The following FAT2 variants were observed in gnomAD, a reference collection of about 807,000 sequenced individuals.
FAT2 encodes the protein protocadherin Fat 2.
In FAT2, 150 loss-of-function variants were observed where a neutral mutation model predicts 295.3. The ratio of observed to expected loss-of-function variants is 0.51; its 90% CI spans 0.44 to 0.58. The LOEUF (loss-of-function observed/expected upper bound fraction) is 0.58. Among genes scored for constraint, FAT2 ranks in the 20% least tolerant of loss-of-function variants. The pLI, the probability that FAT2 is intolerant of heterozygous loss-of-function variation, is 0.00. For synonymous variants in FAT2, 2,026 were observed against 2,150.3 expected, an observed-to-expected ratio of 0.94 and a Z score of 1.60; for missense variants, 4,868 against 5,442.7, an observed-to-expected ratio of 0.89 and a Z score of 3.32.
At chr5:151,519,606 G>T (rs1324327837) in intron 19 of FAT2, among the ~76,000 whole-genome samples, 1 of 152,162 alleles carries the variant, frequency 6.6e-6, no homozygotes, top group East Asian at 1.9e-4. Context: ...TGGAAGGGGG[G>T]CCCAAGGGAG....
At chr5:151,526,955 T>C (rs975730557) in intron 17 of FAT2, among the ~76,000 whole-genome samples, 20 of 152,218 alleles carry the variant, frequency 1.3e-4, no homozygotes, top group African/African-American at 4.6e-4. Context: ...GTATGGCATG[T>C]TTTCATACCT....
chr5:151,537,345 AAAG>A (rs753343444), intron 12 of FAT2, among the ~76,000 whole-genome samples: 2 of 88,456 alleles, frequency 2.3e-5, no homozygotes, highest in South Asian at 1.0e-3. Flanking sequence ...AAAGAAAAGA[AAAG>A]AAAAAAGAAG....
intron 2 of FAT2, 26 bp downstream of exon 2, chr5:151,565,647 A>ACGGGC: frequency 6.2e-6 from 9 of 1,461,026 alleles, no homozygotes; most frequent in South Asian, 1.3e-5. Flanking sequence ...TGGCCCTGGC[A>ACGGGC]CCCCACCCTA....
chr5:151,506,866 A>G (rs1239710577), intron 23 of FAT2, among the ~76,000 whole-genome samples: 1 of 151,830 alleles, frequency 6.6e-6, no homozygotes, highest in African/African-American at 2.4e-5. Flanking sequence ...CCCCCTTCTC[A>G]CTCCAAGGGT....
intron 1 of FAT2, among the ~76,000 whole-genome samples, chr5:151,571,814 A>G (rs1419937897): frequency 1.3e-5 from 2 of 152,204 alleles, no homozygotes; most frequent in Non-Finnish European, 2.9e-5. Flanking sequence ...AACGTACATC[A>G]ATTCATATGA....
In FAT2 at chr5:151,521,702, T is replaced by G; in HGVS notation, c.10891A>C (p.Met3631Leu). 1 of 1,613,956 alleles carries G rather than the reference T, an allele frequency of 6.2e-7. No homozygotes were observed. The change falls in exon 19 of 24, where the codon ATG becomes CTG. Residue 3631 changes from methionine (M) to leucine (L), a missense_variant. Physicochemically the swap from Met to Leu is conservative, Grantham distance 15. Around this residue, in one of 5 missense-constraint regions of FAT2, gnomAD observed 1,046 missense variants for 1,210.1 expected, o/e 0.86. Transcript: ENST00000261800. Reference protein sequence around the residue: ...HVGQEALQQAMWMGFYQLTPE... With the variant: ...HVGQEALQQALWMGFYQLTPE... ...GTGAGCTGGTAGAAGCCCATCCACA[T>G]GGCCTGCTGCAGAGCCTCCTGCCCC...
At chr5:151,534,288 C>G (rs1754991810) in intron 13 of FAT2, 121 bp downstream of exon 13, 1 of 669,116 alleles carries the variant, frequency 1.5e-6, no homozygotes, top group Non-Finnish European at 2.5e-6. Context: ...TTTAAGTGTC[C>G]CCAGACTCAA....
At chr5:151,561,824 A>G (rs578172083) in intron 3 of FAT2, among the ~76,000 whole-genome samples, 5 of 152,256 alleles carry the variant, frequency 3.3e-5, no homozygotes, top group Non-Finnish European at 7.3e-5. Flanking sequence ...GAAAGTGTTC[A>G]TGCTTATAAA....
At position 151,526,038 on chromosome 5, in the gene FAT2, A is replaced by G. The variant is rs562374093; in HGVS notation, c.10309-73T>C. The G allele has an allele frequency of 7.8e-5, 113 of 1,448,276 alleles. No homozygotes were observed. The African/African-American group carries it at 1.3e-3, about 17-fold the overall frequency. 89.7% of individuals were successfully genotyped at this position (1,448,276 alleles called of 1,614,324 possible). ...TCCTTCCTTTCGCACGTGTCTGGGT[A>G]TGTCATCTGGAATGAGTCCTCAGCA... On this transcript the variant is annotated intron_variant, in intron 17 of 23. Coordinates refer to ENST00000261800, the MANE Select transcript of FAT2 (RefSeq NM_001447.3).
At chr5:151,516,861 T>C (rs1452472187) in intron 20 of FAT2, among the ~76,000 whole-genome samples, 2 of 152,166 alleles carry the variant, frequency 1.3e-5, no homozygotes, top group Non-Finnish European at 2.9e-5. Context: ...ATCCTAGCAC[T>C]TTGGGATGCC....
chr5:151,543,319 G>T lies in FAT2; in HGVS notation c.7808C>A (p.Pro2603Gln). 1 of 1,614,134 alleles carries T rather than the reference G, an allele frequency of 6.2e-7. No individual in the cohort carries two copies. The highest frequency in any genetic ancestry group is 1.1e-5 in the South Asian group (1 of 91,084). ...SIQSNVSKDS[P>Q]VIQVLAYDAD... is the part of the protein sequence containing the mutation. Reference sequence around the variant, plus strand: ...ATCATAGGCCAACACCTGGATAACCGGAGAGTCTTTACTGACATTGGATTG... The same window carrying T: ...ATCATAGGCCAACACCTGGATAACCTGAGAGTCTTTACTGACATTGGATTG... The change falls in exon 10 of 24, where the codon CCG (proline) becomes CAG (glutamine). Residue 2603 changes from proline to glutamine, a missense_variant. By Grantham distance (76) the Pro-to-Gln change is moderately conservative (BLOSUM62 -1). This residue lies in a region of FAT2 where 3,297 missense variants were observed against 3,669.4 expected (regional missense o/e 0.90). Transcript: ENST00000261800.
At chr5:151,589,813 A>C (rs992702776) in intron 1 of FAT2, among the ~76,000 whole-genome samples, 1 of 152,058 alleles carries the variant, frequency 6.6e-6, no homozygotes, top group Admixed American at 6.6e-5. Context: ...ATGTGGGAGG[A>C]TTGCTTGGGC....
intron 18 of FAT2, among the ~76,000 whole-genome samples, chr5:151,522,779 T>C (rs1199232722): frequency 1.3e-5 from 2 of 152,054 alleles, no homozygotes; most frequent in East Asian, 3.9e-4. Flanking sequence ...GGGGTAGGAA[T>C]GAAGGCGGTG....
intron 3 of FAT2, among the ~76,000 whole-genome samples, chr5:151,562,753 T>A (rs1012171575): frequency 6.6e-6 from 1 of 152,240 alleles, no homozygotes; most frequent in Non-Finnish European, 1.5e-5. Flanking sequence ...CTAAGAGCAA[T>A]GTCTGACTCA....
chr5:151,504,774 T>C lies in FAT2; in HGVS notation c.*791A>G, dbSNP rs1760715338. 1 of 152,568 alleles carries C rather than the reference T, an allele frequency of 6.6e-6. No homozygotes were observed. The highest frequency in any genetic ancestry group is 1.5e-5 in the Non-Finnish European group (1 of 68,028). The allele number at this position is 152,568 out of a possible 1,614,324, so 9.5% of individuals were successfully genotyped here. A position where few individuals can be genotyped will look rare whatever the true frequency, so the allele number is the denominator to read the frequency against. ...ATGAAGAACCCAGAGTTCCATGAGG[T>C]CTGAATTCTTTAACAAAGAAGGTTC... On this transcript the variant is annotated 3_prime_UTR_variant, in exon 24 of 24. Coordinates refer to ENST00000261800, the MANE Select transcript of FAT2 (RefSeq NM_001447.3).
intron 1 of FAT2, among the ~76,000 whole-genome samples, chr5:151,573,043 C>T (rs143566050): frequency 3.3e-5 from 5 of 152,306 alleles, no homozygotes; most frequent in Non-Finnish European, 4.4e-5. Flanking sequence ...CTGTGTCTAC[C>T]TGGCCATGAA....
chr5:151,550,662 G>A lies in FAT2; in HGVS notation c.4506C>T (p.Ser1502=), dbSNP rs766546178. ...TTCCCACCGTTACCAGGACACCACT[G>A]CTTGGGTCCAGCTGGAAGAGGCTGG... The part of the protein sequence containing the change: ...GSASLFQLDP[S]SGVLVTVGKL... Residue 1502 remains serine (S), a synonymous_variant, in exon 8 of 24, where the codon AGC becomes AGT. Transcript: ENST00000261800. 34 of 1,614,200 alleles carry A rather than the reference G, an allele frequency of 2.1e-5. No individual in the cohort carries two copies. Among genetic ancestry groups the A allele is most frequent in the Non-Finnish European group, 2.5e-5 (29 of 1,180,038 alleles).
chr5:151,567,622 G>T lies in FAT2; in HGVS notation c.1310C>A (p.Pro437Gln). Residue 437 changes from proline (P) to glutamine (Q), a missense_variant, in exon 2 of 24, where the codon CCG (proline) becomes CAG (glutamine). This residue lies in a region of FAT2 where 3,297 missense variants were observed against 3,669.4 expected (regional missense o/e 0.90). Transcript: ENST00000261800. ...AHYQLHIRTSPGQASTVVVID... is the reference protein window; with the variant it reads ...AHYQLHIRTSQGQASTVVVID... Reference sequence around the variant, plus strand: ...GACCACCACGGTGGAGGCCTGGCCCGGTGAGGTTCTGATGTGTAGCTGATA... The same window carrying T: ...GACCACCACGGTGGAGGCCTGGCCCTGTGAGGTTCTGATGTGTAGCTGATA... 2 of 1,614,106 alleles carry T rather than the reference G, an allele frequency of 1.2e-6. No homozygotes were observed. The highest frequency in any genetic ancestry group is 1.7e-6 in the Non-Finnish European group (2 of 1,180,008).
intron 1 of FAT2, among the ~76,000 whole-genome samples, chr5:151,569,540 G>A (rs556060852): frequency 6.6e-6 from 1 of 152,264 alleles, no homozygotes; most frequent in Non-Finnish European, 1.5e-5. Flanking sequence ...TATCAGCCCT[G>A]CAACAGAATT....
Sources: gnomAD v4.1 joint callset for allele counts (sites outside exome capture counted in the v4.1 genomes callset) on GRCh38, gnomAD v4.1.1 for gene constraint, gnomAD v4.1.1 regional missense constraint, MANE v1.5 for transcripts, NCBI Gene and HGNC (gene_info 2026-07-23, HGNC 2026-07-21) for gene names.